EVL: variants seen among roughly 807,000 people sequenced by gnomAD.
EVL encodes the protein Enah/Vasp-like.
Under a neutral mutation model 59.6 loss-of-function variants are expected in EVL, and 21 were observed. The ratio of observed to expected loss-of-function variants is 0.35; its 90% CI spans 0.25 to 0.51. The LOEUF is 0.51. Ranked by LOEUF, EVL falls within the 20% of genes least tolerant of loss-of-function variation. The pLI is 0.97. For missense variants in EVL, 462 were observed against 546.6 expected (o/e 0.85, Z 1.54); for synonymous variants, 198 against 203.5 (o/e 0.97, Z 0.23).
intron 2 of EVL, among the ~76,000 whole-genome samples, chr14:100,087,264 A>G (rs1364774936): frequency 1.3e-5 from 2 of 152,204 alleles, no homozygotes; most frequent in Admixed American, 6.5e-5. Flanking sequence ...TCTAACCTAA[A>G]TCTTACATTC....
intron 3 of EVL, among the ~76,000 whole-genome samples, chr14:100,100,327 C>T (rs1312638622): frequency 6.6e-6 from 1 of 152,048 alleles, no homozygotes; most frequent in Non-Finnish European, 1.5e-5. Flanking sequence ...GTTAGTTGTC[C>T]ACTCTGGTTC....
intron 1 of EVL, among the ~76,000 whole-genome samples, chr14:99,976,898 C>G (rs1338917849): frequency 6.6e-6 from 1 of 152,258 alleles, no homozygotes; most frequent in Non-Finnish European, 1.5e-5. Flanking sequence ...TTCTCAGGCT[C>G]TGACTTGCTT....
intron 1 of EVL, among the ~76,000 whole-genome samples, chr14:100,034,316 G>GTC (rs1481033402): frequency 2.0e-5 from 3 of 151,900 alleles, no homozygotes; most frequent in African/African-American, 7.3e-5. Flanking sequence ...AGCATGAAGG[G>GTC]TCTGAGAAGT....
chr14:100,093,412 G>T (rs1259808271), intron 2 of EVL, among the ~76,000 whole-genome samples: 1 of 152,100 alleles, frequency 6.6e-6, no homozygotes, highest in Admixed American at 6.6e-5. Flanking sequence ...TAACGCCAGG[G>T]TTTTAATGCA....
intron 1 of EVL, among the ~76,000 whole-genome samples, chr14:99,987,646 T>TAAAC (rs754045252): frequency 4.8e-4 from 73 of 152,156 alleles, no homozygotes; most frequent in Non-Finnish European, 5.0e-4. Context: ...CTATCTCAAG[T>TAAAC]AAACAAACAA....
In EVL at chr14:100,043,912, T is replaced by C. The variant is rs180722724; in HGVS notation, c.6-40775T>C. ...CCTTTTGTTGTATCTGGGCCCCCAGTTGTATATGTATAGATATACAAGGGA... is the reference window on the plus strand; with the variant it reads ...CCTTTTGTTGTATCTGGGCCCCCAGCTGTATATGTATAGATATACAAGGGA... On this transcript the variant is annotated intron_variant, in intron 1 of 13. Coordinates refer to the EVL transcript ENST00000402714. Among the ~76,000 whole-genome samples the C allele has an allele frequency of 2.4e-3, 358 of 151,906 alleles. 1 individual carries two copies. The highest frequency in any genetic ancestry group is 6.8e-3 in the Middle Eastern group (2 of 292).
chr14:100,132,022 A>G (rs1344491785), intron 7 of EVL, among the ~76,000 whole-genome samples: 1 of 152,188 alleles, frequency 6.6e-6, no homozygotes, highest in South Asian at 2.1e-4. Flanking sequence ...CAAGTTGAAA[A>G]GCCACAGAAG....
intron 1 of EVL, among the ~76,000 whole-genome samples, chr14:100,073,974 C>T (rs1382483237): frequency 7.2e-6 from 1 of 139,224 alleles, no homozygotes; most frequent in Non-Finnish European, 1.5e-5. Context: ...CATTAGCATT[C>T]TCTTCAGTGG....
intron 1 of EVL, among the ~76,000 whole-genome samples, chr14:99,981,183 C>G (rs996462890): frequency 2.8e-4 from 43 of 152,014 alleles, no homozygotes; most frequent in African/African-American, 7.7e-4. Flanking sequence ...AATCCCAGCA[C>G]TTTGGGAGTT....
intron 1 of EVL, among the ~76,000 whole-genome samples, chr14:100,007,873 T>C (rs978844413): frequency 6.6e-6 from 1 of 152,176 alleles, no homozygotes; most frequent in African/African-American, 2.4e-5. Context: ...CCTCCCACTA[T>C]TAGGTGTAGG....
intron 1 of EVL, among the ~76,000 whole-genome samples, chr14:99,988,033 G>C (rs1245656112): frequency 6.8e-6 from 1 of 147,836 alleles, no homozygotes. Flanking sequence ...TCCTGCCTCA[G>C]CCTCCCAAGT....
chr14:100,130,603 G>A lies in EVL; in HGVS notation c.839+919G>A, dbSNP rs1172996380. On this transcript the variant is annotated intron_variant, in intron 7 of 13. Coordinates refer to ENST00000392920, the MANE Select transcript of EVL (RefSeq NM_016337.3). The surrounding 1 kb of genome is among the most constrained non-coding windows in gnomAD (Gnocchi z 4.8). The stretch of plus-strand genomic sequence containing the variant: ...CAAGTGAGAACTCTGTGTGCCCAGG[G>A]TCTTCACACTGCAGTCCTAGTTCCT... 6.6e-6 allele frequency among the ~76,000 whole-genome samples: 1 copy of A among 152,196 alleles called. No individual in the cohort carries two copies. Among genetic ancestry groups the A allele is most frequent in the African/African-American group, 2.4e-5 (1 of 41,456 alleles).
chr14:100,096,259 C>G lies in EVL; in HGVS notation c.181-1222C>G, dbSNP rs180716955. On this transcript the variant is annotated intron_variant, in intron 2 of 13. Coordinates refer to ENST00000392920, the MANE Select transcript of EVL (RefSeq NM_016337.3). ...GCATAGAGAGCGTTATCCCCAACCT[C>G]AGATCACACAGTCCTTGCAACCTTA... Among the ~76,000 whole-genome samples, 21 of 152,368 alleles carry G rather than the reference C, an allele frequency of 1.4e-4. 1 individual carries two copies. The highest frequency in any genetic ancestry group is 5.0e-4 in the African/African-American group (21 of 41,590).
intron 5 of EVL, among the ~76,000 whole-genome samples, chr14:100,126,982 C>G (rs1005092540): frequency 2.6e-5 from 4 of 152,214 alleles, no homozygotes; most frequent in African/African-American, 9.7e-5. Context: ...TGGCCACTAC[C>G]TGCCAACCTT....
At chr14:99,994,534 G>A (rs937186485) in intron 1 of EVL, among the ~76,000 whole-genome samples, 5 of 150,634 alleles carry the variant, frequency 3.3e-5, no homozygotes, top group Non-Finnish European at 7.4e-5. Context: ...TTTCTGTTGC[G>A]TTAAAAACTC....
chr14:100,000,837 A>G (rs1267367037), intron 1 of EVL, among the ~76,000 whole-genome samples: 1 of 152,086 alleles, frequency 6.6e-6, no homozygotes. Context: ...TTTTCTTTTT[A>G]AAAATCTCTT....
At chr14:100,065,691 T>G (rs2061916086) in intron 1 of EVL, among the ~76,000 whole-genome samples, 180 bp downstream of exon 1, 1 of 152,188 alleles carries the variant, frequency 6.6e-6, no homozygotes, top group African/African-American at 2.4e-5. Context: ...GTCTGCTCCC[T>G]CTCTAGCCGC....
At chr14:100,051,133 G>A (rs1400641722) in intron 1 of EVL, among the ~76,000 whole-genome samples, 1 of 152,126 alleles carries the variant, frequency 6.6e-6, no homozygotes, top group African/African-American at 2.4e-5. Context: ...GGTCAACTTT[G>A]TTCCAGAAAA....
intron 3 of EVL, among the ~76,000 whole-genome samples, chr14:100,105,261 G>A (rs564673888): frequency 5.9e-5 from 9 of 152,220 alleles, no homozygotes; most frequent in Admixed American, 1.3e-4. Flanking sequence ...GTACAGAGGC[G>A]ACACACCACG....
Sources: allele counts gnomAD v4.1 joint callset (sites outside exome capture counted in the v4.1 genomes callset), GRCh38; gene constraint gnomAD v4.1.1; non-coding constraint Gnocchi (gnomAD v3.1); transcripts MANE v1.5; gene names NCBI Gene and HGNC (gene_info 2026-07-23, HGNC 2026-07-21).